Variants in PLCH2 observed in about 807,000 individuals in gnomAD.
PLCH2 encodes phospholipase C eta 2.
In PLCH2, 98 loss-of-function variants were observed where a neutral mutation model predicts 134.7. The ratio of observed to expected loss-of-function variants is 0.73; its 90% CI spans 0.62 to 0.86. PLCH2 has a LOEUF of 0.86. PLCH2 is among the 40% of genes least tolerant of loss of function. The pLI, the probability that PLCH2 is intolerant of heterozygous loss-of-function variation, is 0.00. For missense variants in PLCH2, 1,994 were observed against 1,986.6 expected (o/e 1.00, Z -0.07); for synonymous variants, 974 against 827.5 (o/e 1.18, Z -3.04).
At chr1:2,453,854 G>A (rs1426401613) in intron 2 of PLCH2, among the ~76,000 whole-genome samples, 1 of 152,180 alleles carries the variant, frequency 6.6e-6, no homozygotes, top group Non-Finnish European at 1.5e-5. Context: ...GGGTCCCCAG[G>A]ACTTTGGGCA....
chr1:2,498,329 C>A lies in PLCH2; in HGVS notation c.2225-194C>A. The A allele has an allele frequency of 3.3e-6, 2 of 605,482 alleles. No homozygotes were observed. Among genetic ancestry groups the A allele is most frequent in the South Asian group, 4.0e-5 (2 of 49,580 alleles). The allele number at this position is 605,482 out of a possible 1,614,324, so 37.5% of individuals were successfully genotyped here. On this transcript the variant is annotated intron_variant, in intron 16 of 21. Transcript: ENST00000378486. This position sits in a 1 kb window ranked among gnomAD's most constrained non-coding sequence, Gnocchi z 5.4. ...GGCTCTGTCCCACATGCTGCGGTAG[C>A]CACAAAGGTGATCCATACTGGGCCA...
chr1:2,464,538 T>G (rs891942544), upstream of PLCH2, among the ~76,000 whole-genome samples: 10 of 152,188 alleles, frequency 6.6e-5, no homozygotes, highest in Non-Finnish European at 1.5e-4. Context: ...AGGGGCCACC[T>G]AAATGGTTTT....
Position 2,498,923 on chromosome 1 carries a change from TCC to T in PLCH2, c.2434+97_2434+98del. The T allele has an allele frequency of 7.5e-7, 1 of 1,335,518 alleles. No homozygotes were observed. The highest frequency in any genetic ancestry group is 1.0e-6 in the Non-Finnish European group (1 of 954,602). The allele number at this position is 1,335,518 out of a possible 1,614,324, so 82.7% of individuals were successfully genotyped here. A position where few individuals can be genotyped will look rare whatever the true frequency, so the allele number is the denominator to read the frequency against. ...TGTGCCCGGGTGCCCTGCCCAGGCCTCCCTCAGTGACAGTCCTGGGCGCCCTC... is the reference window on the plus strand; with the variant it reads ...TGTGCCCGGGTGCCCTGCCCAGGCCTCTCAGTGACAGTCCTGGGCGCCCTC... On this transcript the variant is annotated intron_variant, in intron 18 of 21. Coordinates refer to ENST00000378486, the MANE Select transcript of PLCH2 (RefSeq NM_014638.4). The surrounding 1 kb of genome is among the most constrained non-coding windows in gnomAD (Gnocchi z 5.4).
chr1:2,421,931 G>A (rs1180944043), upstream of PLCH2, among the ~76,000 whole-genome samples: 1 of 151,666 alleles, frequency 6.6e-6, no homozygotes, highest in Non-Finnish European at 1.5e-5. Context: ...CCAAGATCAC[G>A]CCACTACACT....
intron 2 of PLCH2, among the ~76,000 whole-genome samples, chr1:2,453,254 G>A (rs1176159632): frequency 6.6e-6 from 1 of 152,102 alleles, no homozygotes; most frequent in African/African-American, 2.4e-5. Flanking sequence ...GTGGTCTGTG[G>A]GCGCCGTGCT....
intron 1 of PLCH2, among the ~76,000 whole-genome samples, chr1:2,477,225 G>A (rs953065512): frequency 2.0e-5 from 3 of 152,146 alleles, no homozygotes; most frequent in Admixed American, 2.0e-4. Context: ...GGCAGACAGG[G>A]TCCTGTCCAG....
chr1:2,479,605 G>T, intron 2 of PLCH2, 129 bp from the exon 3 acceptor site: 1 of 902,932 alleles, frequency 1.1e-6, no homozygotes. Context: ...TGGACCCTGA[G>T]CCCTGCCGAG....
upstream of PLCH2, among the ~76,000 whole-genome samples, chr1:2,474,104 G>A (rs564819387): frequency 1.9e-4 from 29 of 152,318 alleles, no homozygotes; most frequent in African/African-American, 2.9e-4. Flanking sequence ...ATGAGGGCCC[G>A]TCAGTGCAGG....
At chr1:2,499,445 C>T (rs1643089799) in intron 19 of PLCH2, among the ~76,000 whole-genome samples, 196 bp from the exon 20 acceptor site, 1 of 151,824 alleles carries the variant, frequency 6.6e-6, no homozygotes, top group Non-Finnish European at 1.5e-5. Flanking sequence ...GAAGAGGTCC[C>T]TGCAGGCTGG....
chr1:2,451,783 G>T (rs980185178), intron 2 of PLCH2, among the ~76,000 whole-genome samples: 1 of 152,158 alleles, frequency 6.6e-6, no homozygotes, highest in East Asian at 1.9e-4. Context: ...GGACCCTAAC[G>T]TGCTCTTGGC....
At chr1:2,465,414 C>G (rs867396615), upstream of PLCH2, among the ~76,000 whole-genome samples, 25 of 152,322 alleles carry the variant, frequency 1.6e-4, no homozygotes, top group African/African-American at 4.8e-4. Flanking sequence ...CTGGTCCTCC[C>G]AGCTGTGCCG....
In PLCH2 at chr1:2,487,012, G is replaced by A. The variant is rs751955618; in HGVS notation, c.910+12G>A. 5 of 1,578,052 alleles carry A rather than the reference G, an allele frequency of 3.2e-6. No homozygotes were observed. The highest frequency in any genetic ancestry group is 1.2e-5 in the South Asian group (1 of 86,216). On this transcript the variant is annotated intron_variant, in intron 6 of 21. Coordinates refer to ENST00000378486, the MANE Select transcript of PLCH2 (RefSeq NM_014638.4). ...GCTGGGCATTGATGGTGAGTGGGGC[G>A]CTGCCCTCAGCCCAGCTGTCCTGGG... is the stretch of plus-strand genomic sequence containing the variant.
At chr1:2,468,643 A>T (rs1641185022) in intron 1 of PLCH2, among the ~76,000 whole-genome samples, 1 of 151,964 alleles carries the variant, frequency 6.6e-6, no homozygotes. Flanking sequence ...ACCAGGAGGA[A>T]CTCCTGGGTT....
In PLCH2 at chr1:2,505,006, C is replaced by T; in HGVS notation, c.4044C>T (p.Ala1348=). 6.5e-7 allele frequency: 1 copy of T among 1,544,828 alleles called. No homozygotes were observed. The highest frequency in any genetic ancestry group is 1.2e-5 in the South Asian group (1 of 84,474). The change falls in exon 22 of 22, where the codon GCC becomes GCT. Residue 1348 remains alanine, a synonymous_variant. Coordinates refer to ENST00000378486, the MANE Select transcript of PLCH2 (RefSeq NM_014638.4). ...SSSRSHSRVR[A]IASRARQAQE... is the part of the protein sequence containing the mutation. ...CCCGCAGCCACAGCCGCGTGCGTGC[C>T]ATTGCCAGCCGGGCCCGCCAGGCCC...
At chr1:2,449,609 C>A (rs1384635226) in intron 2 of PLCH2, among the ~76,000 whole-genome samples, 1 of 152,216 alleles carries the variant, frequency 6.6e-6, no homozygotes, top group African/African-American at 2.4e-5. Context: ...TCTGCAGCAG[C>A]CTCTGCCTGG....
rs1570286925 is a variant in PLCH2 at position 2,448,211 on chromosome 1, T to C, written c.115+17582T>C. On this transcript the variant is annotated intron_variant, in intron 2 of 3. Transcript: ENST00000609981. This position sits in a 1 kb window ranked among gnomAD's most constrained non-coding sequence, Gnocchi z 4.0. ...GGAGGGGTGTGTTTCCTGCAGCTGC[T>C]GGGACCGGCTGCCGTGCACTGGCCA... 1.3e-5 allele frequency among the ~76,000 whole-genome samples: 2 copies of C among 152,310 alleles called. No homozygotes were observed. Among genetic ancestry groups the C allele is most frequent in the Admixed American group, 6.5e-5 (1 of 15,302 alleles).
At chr1:2,461,783 G>C (rs1048646637) in intron 2 of PLCH2, among the ~76,000 whole-genome samples, 1 of 152,110 alleles carries the variant, frequency 6.6e-6, no homozygotes, top group African/African-American at 2.4e-5. Context: ...CCCAGGCTTG[G>C]GGGAACCAGG....
At chr1:2,426,177 A>C (rs1269173032) in intron 1 of PLCH2, 1 of 152,216 alleles carries the variant, frequency 6.6e-6, no homozygotes, top group Non-Finnish European at 1.5e-5. Context: ...AGAGCCTTTC[A>C]CCATCTGTGC....
In PLCH2 at chr1:2,489,986, G is replaced by C. The variant is rs911045760; in HGVS notation, c.1515+119G>C. The stretch of plus-strand genomic sequence containing the variant: ...GGCATCCGGGAGAGAGGGACATTGG[G>C]GCAGATTCGCACAGCGGCCTGGGGC... On this transcript the variant is annotated intron_variant, in intron 10 of 21. Coordinates refer to ENST00000378486, the MANE Select transcript of PLCH2 (RefSeq NM_014638.4). 6.5e-6 allele frequency: 5 copies of C among 771,242 alleles called. No individual in the cohort carries two copies. The Admixed American group carries it at 8.2e-5, about 13-fold the overall frequency. 47.8% of individuals were successfully genotyped at this position (771,242 alleles called of 1,614,324 possible).
Sources: allele counts gnomAD v4.1 joint callset (sites outside exome capture counted in the v4.1 genomes callset), GRCh38; gene constraint gnomAD v4.1.1; non-coding constraint Gnocchi (gnomAD v3.1); transcripts MANE v1.5; gene names NCBI Gene and HGNC (gene_info 2026-07-23, HGNC 2026-07-21).